Variants in ATG7 observed in about 807,000 individuals in gnomAD.
The protein encoded by ATG7 is autophagy related 7, also known as ubiquitin-like modifier-activating enzyme ATG7.
A neutral mutation model predicts 82.4 loss-of-function variants in ATG7; 70 were observed. That is an observed-to-expected ratio of 0.85 (90% CI 0.70 to 1.04). The LOEUF is 1.04. ATG7 is among the 50% of genes least tolerant of loss of function. The pLI is 0.00. For missense variants in ATG7, 792 were observed against 864.3 expected (o/e 0.92, Z 1.05); for synonymous variants, 287 against 313.0 (o/e 0.92, Z 0.88).
At chr3:11,394,479 A>G (rs925843512) in intron 19 of ATG7, among the ~76,000 whole-genome samples, 3 of 152,180 alleles carry the variant, frequency 2.0e-5, no homozygotes, top group Non-Finnish European at 4.4e-5. Context: ...TATTAGGGCA[A>G]TTTTTTGTTT....
chr3:11,465,088 A>AGTGTGTGTGTGTGTGTGT (rs55999171), intron 20 of ATG7, among the ~76,000 whole-genome samples: 109 of 147,420 alleles, frequency 7.4e-4, no homozygotes, highest in African/African-American at 2.6e-3. Context: ...AAAAACCTAA[A>AGTGTGTGTGTGTGTGTGT]GTGTGTGTGT....
chr3:11,274,129 T>A (rs1263239036), intron 1 of ATG7, among the ~76,000 whole-genome samples: 3 of 152,118 alleles, frequency 2.0e-5, no homozygotes, highest in Non-Finnish European at 2.9e-5. Flanking sequence ...TGAAATCCTT[T>A]AAGAGCTGAG....
chr3:11,344,921 T>C (rs150683066), intron 13 of ATG7, among the ~76,000 whole-genome samples: 4 of 152,294 alleles, frequency 2.6e-5, no homozygotes, highest in Non-Finnish European at 5.9e-5. Context: ...ATAAGTCAAA[T>C]TGGTTTATAG....
chr3:11,426,101 C>T (rs2082341779), intron 19 of ATG7, among the ~76,000 whole-genome samples: 1 of 152,140 alleles, frequency 6.6e-6, no homozygotes, highest in South Asian at 2.1e-4. Flanking sequence ...TTCTGGTGCA[C>T]ATATGTACAC....
chr3:11,470,009 AGAG>A (rs1332451865), intron 20 of ATG7, among the ~76,000 whole-genome samples: 6 of 146,378 alleles, frequency 4.1e-5, no homozygotes, highest in African/African-American at 1.5e-4. Context: ...AAAAAAAAAA[AGAG>A]AGAGAGAGAT....
intron 20 of ATG7, among the ~76,000 whole-genome samples, chr3:11,534,523 G>A (rs1425956364): frequency 1.3e-5 from 2 of 152,234 alleles, no homozygotes; most frequent in African/African-American, 2.4e-5. Flanking sequence ...GGTCTGGAAC[G>A]CATCAGGGTT....
intron 7 of ATG7, 89 bp downstream of exon 7, chr3:11,309,150 C>A: frequency 1.6e-6 from 2 of 1,213,928 alleles, no homozygotes; most frequent in Non-Finnish European, 1.2e-6. Context: ...CTCTTCTCTC[C>A]GAAGCTACTA....
intron 20 of ATG7, among the ~76,000 whole-genome samples, chr3:11,533,307 GATCTCT>G (rs759359733): frequency 1.3e-5 from 2 of 152,110 alleles, no homozygotes; most frequent in Non-Finnish European, 2.9e-5. Flanking sequence ...CAAAGAAAAT[GATCTCT>G]TAGTGGTTAT....
chr3:11,533,639 C>T (rs2092734273), intron 20 of ATG7, among the ~76,000 whole-genome samples: 1 of 151,526 alleles, frequency 6.6e-6, no homozygotes. Flanking sequence ...AAACTGCTTC[C>T]TGAGAAGGTA....
intron 20 of ATG7, among the ~76,000 whole-genome samples, chr3:11,524,556 C>T (rs889344013): frequency 3.3e-5 from 5 of 152,088 alleles, no homozygotes; most frequent in African/African-American, 7.2e-5. Context: ...CCCAGGAGTT[C>T]GAGACCAGCC....
At chr3:11,414,355 C>T (rs556901691) in intron 19 of ATG7, among the ~76,000 whole-genome samples, 21 of 152,308 alleles carry the variant, frequency 1.4e-4, no homozygotes, top group Admixed American at 6.5e-4. Flanking sequence ...CATGAGCCAC[C>T]GTGCCCAGCC....
chr3:11,440,252 C>T (rs1045048518), intron 20 of ATG7, among the ~76,000 whole-genome samples: 3 of 151,642 alleles, frequency 2.0e-5, no homozygotes, highest in Admixed American at 6.6e-5. Context: ...GATGAACTTG[C>T]GACTCCAATC....
rs866217501 is a variant in ATG7, at chr3:11,337,560, A to G, written c.890-3085A>G. Among the ~76,000 whole-genome samples the G allele has an allele frequency of 8.5e-5, 13 of 152,166 alleles. No homozygotes were observed. In the East Asian group the frequency reaches 2.3e-3, roughly 27 times the overall value. ...GATTATATGGATGCAGGTATGGTAA[A>G]TTACATACTATTGCCATATGTGTTA... On this transcript the variant is annotated intron_variant, in intron 11 of 20. Coordinates refer to ENST00000693202, the MANE Select transcript of ATG7 (RefSeq NM_001349232.2).
intron 20 of ATG7, among the ~76,000 whole-genome samples, chr3:11,526,249 GGCCTAGTGGT>G: frequency 6.6e-6 from 1 of 152,096 alleles, no homozygotes; most frequent in South Asian, 2.1e-4. Flanking sequence ...AAATTAGCCG[GGCCTAGTGGT>G]GCATGCCTGT....
At chr3:11,339,683 G>T (rs1482120931) in intron 11 of ATG7, among the ~76,000 whole-genome samples, 1 of 152,204 alleles carries the variant, frequency 6.6e-6, no homozygotes, top group Admixed American at 6.5e-5. Context: ...ATGTTTAAGA[G>T]AATTTTGCAA....
intron 1 of ATG7, among the ~76,000 whole-genome samples, chr3:11,274,989 C>G (rs1363369122): frequency 6.6e-6 from 1 of 151,778 alleles, no homozygotes; most frequent in Non-Finnish European, 1.5e-5. Context: ...CAGAAAAAGA[C>G]AAGCAGGGGA....
At chr3:11,279,241 A>G (rs1216350528) in intron 1 of ATG7, among the ~76,000 whole-genome samples, 2 of 152,216 alleles carry the variant, frequency 1.3e-5, no homozygotes, top group Non-Finnish European at 2.9e-5. Flanking sequence ...TTATTGAGAG[A>G]GAGCCAGAGA....
Position 11,333,010 on chromosome 3 carries a change from G to A in ATG7, c.806G>A (p.Arg269His), listed in dbSNP as rs557927590. The part of the protein sequence containing the change: ...SFQSVEVVCF[R>H]DRTMQGARDV... ...CAGTCTGTTGAAGTTGTTTGCTTCC[G>A]TGACCGTACCATGCAGGGGGCGAGA... is the stretch of plus-strand genomic sequence containing the variant. The change falls in exon 11 of 21, where the codon CGT becomes CAT. Residue 269 changes from arginine (R) to histidine (H), a missense_variant. Physicochemically the swap from Arg to His is conservative, Grantham distance 29 (BLOSUM62 0). Transcript: ENST00000693202. The A allele has an allele frequency of 2.0e-5, 32 of 1,571,854 alleles. No homozygotes were observed. Among genetic ancestry groups the A allele is most frequent in the East Asian group, 4.8e-5 (2 of 41,662 alleles).
chr3:11,278,704 G>C (rs922792435), intron 1 of ATG7, among the ~76,000 whole-genome samples: 4 of 152,232 alleles, frequency 2.6e-5, no homozygotes, highest in African/African-American at 9.6e-5. Context: ...CCTATGAGGT[G>C]CTAAGTCAGG....
Sources: allele counts gnomAD v4.1 joint callset (sites outside exome capture counted in the v4.1 genomes callset), GRCh38; gene constraint gnomAD v4.1.1; transcripts MANE v1.5; gene names NCBI Gene and HGNC (gene_info 2026-07-23, HGNC 2026-07-21).